The following COL19A1 variants were observed in gnomAD, a reference collection of about 807,000 sequenced individuals.
The protein encoded by COL19A1 is collagen alpha-1(XIX) chain.
In COL19A1, 159 loss-of-function variants were observed where a neutral mutation model predicts 190.2. The ratio of observed to expected loss-of-function variants is 0.84; its 90% CI spans 0.73 to 0.95. COL19A1 has a LOEUF of 0.95. COL19A1 is among the 40% of genes least tolerant of loss of function. COL19A1 has a pLI of 0.00. For synonymous variants in COL19A1, 509 were observed against 458.9 expected (o/e 1.11, Z -1.39); for missense variants, 1,418 against 1,431.9 (o/e 0.99, Z 0.16).
chr6:70,066,038 C>T (rs1781171563), intron 14 of COL19A1, among the ~76,000 whole-genome samples: 4 of 152,232 alleles, frequency 2.6e-5, no homozygotes, highest in South Asian at 4.1e-4. Context: ...GAAGACAATG[C>T]AGCGATTCCT....
At chr6:70,016,485 T>C (rs192326214) in intron 11 of COL19A1, among the ~76,000 whole-genome samples, 6 of 145,108 alleles carry the variant, frequency 4.1e-5, no homozygotes. Context: ...GTGTCAAAAC[T>C]CATCAAATTT....
intron 9 of COL19A1, among the ~76,000 whole-genome samples, chr6:69,949,946 T>A (rs1264881842): frequency 6.6e-6 from 1 of 151,876 alleles, no homozygotes; most frequent in Non-Finnish European, 1.5e-5. Flanking sequence ...AAAGTGAAGA[T>A]TTTTTTCTAA....
At chr6:70,158,241 A>G (rs1486219237) in intron 34 of COL19A1, among the ~76,000 whole-genome samples, 1 of 152,120 alleles carries the variant, frequency 6.6e-6, no homozygotes, top group Non-Finnish European at 1.5e-5. Flanking sequence ...CTTGTCTTCT[A>G]CTTGGTCTCA....
At chr6:70,032,625 A>T (rs538648303) in intron 12 of COL19A1, among the ~76,000 whole-genome samples, 7 of 152,130 alleles carry the variant, frequency 4.6e-5, no homozygotes. Flanking sequence ...ATTATTAGTG[A>T]GATATTTTAC....
intron 14 of COL19A1, among the ~76,000 whole-genome samples, chr6:70,059,490 A>T (rs1213655636): frequency 6.6e-6 from 1 of 152,180 alleles, no homozygotes; most frequent in African/African-American, 2.4e-5. Flanking sequence ...AAATATTTAC[A>T]TGGGCTTCCA....
chr6:69,895,127 G>T (rs1769629265), intron 2 of COL19A1, among the ~76,000 whole-genome samples: 1 of 152,204 alleles, frequency 6.6e-6, no homozygotes, highest in Non-Finnish European at 1.5e-5. Context: ...GAACCAGTCA[G>T]CTGGCTGTGG....
At chr6:70,137,649 C>G (rs772747631) in intron 18 of COL19A1, 36 bp from the exon 19 acceptor site, 25 of 1,600,422 alleles carry the variant, frequency 1.6e-5, no homozygotes, top group Non-Finnish European at 2.1e-5. Flanking sequence ...CTTCTCTAAC[C>G]ATCTGCAAAA....
chr6:70,064,861 C>T (rs554212522), intron 14 of COL19A1, among the ~76,000 whole-genome samples: 12 of 152,286 alleles, frequency 7.9e-5, no homozygotes, highest in South Asian at 2.1e-4. Context: ...TTCACAATTG[C>T]TTCAAACAGA....
chr6:70,140,960 C>G lies in COL19A1; in HGVS notation c.1453C>G (p.Pro485Ala), dbSNP rs765361829. ...PKGQKGEPGE[P>A]FTKGEKGDRG... is the part of the protein sequence containing the mutation. ...TTCTACCCCTTCTCCTTAGGGAGAG[C>G]CTTTTACAAAAGGAGAAAAAGGAGA... Residue 485 changes from proline to alanine, a missense_variant, in exon 20 of 51, where the codon CCT becomes GCT. Pro to Ala is a conservative substitution (Grantham distance 27, BLOSUM62 -1). Transcript: ENST00000620364. The G allele has an allele frequency of 3.7e-6, 6 of 1,610,068 alleles. No individual in the cohort carries two copies. The highest frequency in any genetic ancestry group is 3.3e-4 in the Middle Eastern group (2 of 6,030).
At chr6:69,976,871 G>A (rs1167664059) in intron 11 of COL19A1, among the ~76,000 whole-genome samples, 2 of 152,208 alleles carry the variant, frequency 1.3e-5, no homozygotes, top group Non-Finnish European at 2.9e-5. Context: ...TTCAGGTGAT[G>A]TCATGTTTAG....
At chr6:70,139,380 A>G (rs946314239) in intron 19 of COL19A1, among the ~76,000 whole-genome samples, 1 of 151,972 alleles carries the variant, frequency 6.6e-6, no homozygotes, top group Admixed American at 6.6e-5. Flanking sequence ...AGGGCAGTCC[A>G]TGTATCTCAT....
chr6:69,946,654 A>T (rs935269335), intron 9 of COL19A1, among the ~76,000 whole-genome samples: 1 of 151,950 alleles, frequency 6.6e-6, no homozygotes, highest in African/African-American at 2.4e-5. Context: ...CTTTGACAAC[A>T]TTAGTAATTA....
chr6:69,980,714 A>C (rs1030431645), intron 11 of COL19A1, among the ~76,000 whole-genome samples: 5 of 152,222 alleles, frequency 3.3e-5, no homozygotes, highest in Non-Finnish European at 7.4e-5. Flanking sequence ...AAAATGTGTG[A>C]ATAGGCAGCT....
rs1188039119 is a variant in COL19A1 at position 70,207,957 on chromosome 6, C to T, written c.*683C>T. On this transcript the variant is annotated 3_prime_UTR_variant, in exon 51 of 51. Transcript: ENST00000620364. ...TTTTGTTAATTCTGTATAATGAGCTCAATTCAAAGCAATCACCACTGGCAT... is the reference window on the plus strand; with the variant it reads ...TTTTGTTAATTCTGTATAATGAGCTTAATTCAAAGCAATCACCACTGGCAT... 6.6e-6 allele frequency: 1 copy of T among 152,084 alleles called. No homozygotes were observed. Among genetic ancestry groups the T allele is most frequent in the Non-Finnish European group, 1.5e-5 (1 of 68,026 alleles). 9.4% of individuals were successfully genotyped at this position (152,084 alleles called of 1,614,324 possible).
At chr6:69,908,785 G>A (rs1264177580) in intron 4 of COL19A1, among the ~76,000 whole-genome samples, 3 of 152,056 alleles carry the variant, frequency 2.0e-5, no homozygotes. Flanking sequence ...GAACATATCA[G>A]TAATTAATCA....
chr6:70,027,557 C>CTGTG (rs10585617), intron 12 of COL19A1, among the ~76,000 whole-genome samples: 167 of 150,354 alleles, frequency 1.1e-3, no homozygotes, highest in African/African-American at 3.8e-3. Context: ...TGTATCTTAA[C>CTGTG]TGTGTGTGTG....
intron 49 of COL19A1, among the ~76,000 whole-genome samples, chr6:70,204,922 T>G (rs1223302555): frequency 6.6e-6 from 1 of 152,206 alleles, no homozygotes; most frequent in African/African-American, 2.4e-5. Flanking sequence ...GGAGGGTGGT[T>G]TCAAATGACC....
intron 15 of COL19A1, among the ~76,000 whole-genome samples, chr6:70,096,957 A>G (rs1235053030): frequency 6.6e-6 from 1 of 152,188 alleles, no homozygotes; most frequent in African/African-American, 2.4e-5. Context: ...CTGACAGTTT[A>G]GAGAAAGTAC....
intron 14 of COL19A1, among the ~76,000 whole-genome samples, chr6:70,040,238 G>A (rs962503167): frequency 1.8e-4 from 28 of 151,638 alleles, no homozygotes; most frequent in Admixed American, 1.6e-3. Flanking sequence ...TTTATAACTC[G>A]TTGAGTCTGT....
Sources: allele counts gnomAD v4.1 joint callset (sites outside exome capture counted in the v4.1 genomes callset), GRCh38; gene constraint gnomAD v4.1.1; transcripts MANE v1.5; gene names NCBI Gene and HGNC (gene_info 2026-07-23, HGNC 2026-07-21).